Variants in SLC13A3 observed in about 807,000 individuals in gnomAD.
SLC13A3 encodes the protein solute carrier family 13 member 3, also known as Na(+)/dicarboxylate cotransporter 3.
SLC13A3 carries 40 observed loss-of-function variants against 59.0 expected under a neutral mutation model. That is an observed-to-expected ratio of 0.68 (90% CI 0.53 to 0.88). The LOEUF is 0.88. Among genes scored for constraint, SLC13A3 ranks in the 40% least tolerant of loss-of-function variants. The pLI, the probability that SLC13A3 is intolerant of heterozygous loss-of-function variation, is 0.00. For missense variants in SLC13A3, 699 were observed against 783.2 expected (o/e 0.89, Z 1.28); for synonymous variants, 317 against 330.3 (o/e 0.96, Z 0.44).
intron 5 of SLC13A3, among the ~76,000 whole-genome samples, chr20:46,595,911 AT>A (rs1304447687): frequency 1.3e-5 from 2 of 151,852 alleles, no homozygotes; most frequent in East Asian, 1.9e-4. Context: ...TCCCTGCTGT[AT>A]TTTTTTCCTA....
chr20:46,574,630 A>G lies in SLC13A3; in HGVS notation c.1332+943T>C, dbSNP rs2146095705. 2.0e-5 allele frequency among the ~76,000 whole-genome samples: 3 copies of G among 152,276 alleles called. No homozygotes were observed. The Middle Eastern group carries it at 0.01, about 518-fold the overall frequency. ...TAATTAATATTACTATCTAGGACTTATATGAGAGTGGTTAAGAGCATAGAC... is the reference window on the plus strand; with the variant it reads ...TAATTAATATTACTATCTAGGACTTGTATGAGAGTGGTTAAGAGCATAGAC... On this transcript the variant is annotated intron_variant, in intron 10 of 12. Coordinates refer to ENST00000279027, the MANE Select transcript of SLC13A3 (RefSeq NM_022829.6).
intron 1 of SLC13A3, among the ~76,000 whole-genome samples, chr20:46,663,385 C>G (rs976107230): frequency 6.7e-6 from 1 of 149,878 alleles, no homozygotes; most frequent in Non-Finnish European, 1.5e-5. Flanking sequence ...GCGAAGGGTA[C>G]AATGAGCTAT....
chr20:46,673,070 T>C (rs2063102418), upstream of SLC13A3, among the ~76,000 whole-genome samples: 1 of 152,186 alleles, frequency 6.6e-6, no homozygotes, highest in Non-Finnish European at 1.5e-5. Context: ...GTGCACCTGG[T>C]GGGCTCATAT....
intron 1 of SLC13A3, among the ~76,000 whole-genome samples, chr20:46,643,354 G>A (rs1027721812): frequency 7.2e-5 from 11 of 152,186 alleles, no homozygotes; most frequent in African/African-American, 2.7e-4. Context: ...AAAGATAGGG[G>A]CAGGGACGGC....
chr20:46,558,437 T>G lies in SLC13A3; in HGVS notation c.*1585A>C, dbSNP rs1210257410. On this transcript the variant is annotated 3_prime_UTR_variant, in exon 13 of 13. Transcript: ENST00000279027. ...TCTCCAGGTCCAAAGTTGATTAACA[T>G]TCTTTATTTCACAGTATTTTTGATC... 1 of 152,252 alleles carries G rather than the reference T, an allele frequency of 6.6e-6. No homozygotes were observed. The highest frequency in any genetic ancestry group is 2.4e-5 in the African/African-American group (1 of 41,468). The allele number at this position is 152,252 out of a possible 1,614,324, so 9.4% of individuals were successfully genotyped here.
chr20:46,563,618 G>GAGAGAGAT (rs2146076689), intron 11 of SLC13A3, 67 bp from the exon 12 acceptor site: 2 of 1,460,398 alleles, frequency 1.4e-6, no homozygotes, highest in Non-Finnish European at 1.9e-6. Flanking sequence ...GCAAGAGGGA[G>GAGAGAGAT]AGAGAGAGAG....
chr20:46,677,790 C>T (rs1017783174), intron 1 of SLC13A3, among the ~76,000 whole-genome samples: 1 of 152,132 alleles, frequency 6.6e-6, no homozygotes, highest in Admixed American at 6.5e-5. Flanking sequence ...CAAACAGTGA[C>T]TCAGAGCCAA....
chr20:46,608,800 T>C, intron 3 of SLC13A3: 3 of 1,435,576 alleles, frequency 2.1e-6, no homozygotes, highest in South Asian at 1.5e-5. Context: ...ATAATGCTTG[T>C]TGTGTTCACT....
At chr20:46,631,982 ACTGTC>A (rs928410340) in intron 1 of SLC13A3, among the ~76,000 whole-genome samples, 73 of 152,180 alleles carry the variant, frequency 4.8e-4, no homozygotes, top group African/African-American at 1.6e-3. Context: ...CTCCACCACC[ACTGTC>A]CCCTTCCCCC....
At position 46,575,186 on chromosome 20, in the gene SLC13A3, C is replaced by T. The variant is rs1219795248; in HGVS notation, c.1332+387G>A. Among the ~76,000 whole-genome samples the T allele has an allele frequency of 3.9e-5, 6 of 152,250 alleles. No homozygotes were observed. In the South Asian group the frequency reaches 1.0e-3, roughly 26 times the overall value. ...AGAGAGAGGGTCTCACTATATTGCC[C>T]AGGCTGATCTTGGACTCCTGGCCTG... On this transcript the variant is annotated intron_variant, in intron 10 of 12. Transcript: ENST00000279027.
intron 1 of SLC13A3, among the ~76,000 whole-genome samples, chr20:46,639,514 G>A (rs1201670791): frequency 6.6e-6 from 1 of 151,986 alleles, no homozygotes; most frequent in Non-Finnish European, 1.5e-5. Context: ...CCAAGCAGCC[G>A]AACCCAAGCT....
intron 1 of SLC13A3, among the ~76,000 whole-genome samples, chr20:46,679,898 ACT>A (rs2063146013): frequency 6.9e-6 from 1 of 144,026 alleles, no homozygotes; most frequent in African/African-American, 2.7e-5. Context: ...ACAGAGTGAG[ACT>A]CTGTCTCAAA....
intron 6 of SLC13A3, among the ~76,000 whole-genome samples, chr20:46,590,765 T>G (rs1395916787): frequency 6.6e-6 from 1 of 152,226 alleles, no homozygotes; most frequent in East Asian, 1.9e-4. Flanking sequence ...AAAAATGTGT[T>G]TATTCTCTGA....
Position 46,607,544 on chromosome 20 carries a change from C to T in SLC13A3, c.541+2902G>A, listed in dbSNP as rs3092759. Among the ~76,000 whole-genome samples the T allele has an allele frequency of 8.2e-3, 1,256 of 152,296 alleles. 26 individuals are homozygous for T. The highest frequency in any genetic ancestry group is 0.029 in the African/African-American group (1,208 of 41,552). ...TGGCCTGTAAAGGTAGGTATCTATCCCAACCCCCAGGATCCCCTCCCTCTT... is the reference window on the plus strand; with the variant it reads ...TGGCCTGTAAAGGTAGGTATCTATCTCAACCCCCAGGATCCCCTCCCTCTT... On this transcript the variant is annotated intron_variant, in intron 3 of 12. Transcript: ENST00000279027.
At chr20:46,585,419 T>G (rs1281566128) in intron 8 of SLC13A3, 1 of 991,732 alleles carries the variant, frequency 1.0e-6, no homozygotes, top group Non-Finnish European at 1.2e-6. Flanking sequence ...AATACAAAAT[T>G]AAAAAGCGGA....
At chr20:46,600,076 C>T (rs745432369) in intron 3 of SLC13A3, 39 bp from the exon 4 acceptor site, 16 of 1,505,780 alleles carry the variant, frequency 1.1e-5, no homozygotes, top group Admixed American at 1.8e-5. Context: ...TGTAATGTAG[C>T]GAATGGAACA....
At chr20:46,579,880 G>A (rs1054224901) in intron 9 of SLC13A3, among the ~76,000 whole-genome samples, 4 of 152,170 alleles carry the variant, frequency 2.6e-5, no homozygotes, top group Non-Finnish European at 5.9e-5. Context: ...TGGAAGCTAA[G>A]TAATATCCGT....
intron 1 of SLC13A3, among the ~76,000 whole-genome samples, chr20:46,636,442 C>T (rs1359845361): frequency 6.6e-6 from 1 of 152,224 alleles, no homozygotes; most frequent in East Asian, 1.9e-4. Context: ...GCACCTGGCA[C>T]ACAGGGAACA....
At chr20:46,654,609 A>T (rs544036367), upstream of SLC13A3, among the ~76,000 whole-genome samples, 1 of 152,246 alleles carries the variant, frequency 6.6e-6, no homozygotes, top group South Asian at 2.1e-4. Flanking sequence ...AGCTCACTGC[A>T]ACCTCCGCCT....
Sources: gnomAD v4.1 joint callset for allele counts (sites outside exome capture counted in the v4.1 genomes callset) on GRCh38, gnomAD v4.1.1 for gene constraint, MANE v1.5 for transcripts, NCBI Gene and HGNC (gene_info 2026-07-23, HGNC 2026-07-21) for gene names.